The following RAD51B variants were observed in gnomAD, a reference collection of about 807,000 sequenced individuals.
The protein encoded by RAD51B is RAD51 paralog B, also known as DNA repair protein RAD51 homolog 2.
Under a neutral mutation model 42.2 loss-of-function variants are expected in RAD51B, and 38 were observed. The ratio of observed to expected loss-of-function variants is 0.90; its 90% CI spans 0.70 to 1.18. The LOEUF (loss-of-function observed/expected upper bound fraction) is 1.18. Ranked by LOEUF, RAD51B falls within the 50% of genes most tolerant of loss-of-function variation. RAD51B has a pLI of 0.00. For missense variants in RAD51B, 373 were observed against 400.7 expected, an observed-to-expected ratio of 0.93 and a Z score of 0.59; for synonymous variants, 154 against 145.2, an observed-to-expected ratio of 1.06 and a Z score of -0.43.
At chr14:68,159,632 A>C (rs2078594554) in intron 7 of RAD51B, among the ~76,000 whole-genome samples, 1 of 152,138 alleles carries the variant, frequency 6.6e-6, no homozygotes, top group African/African-American at 2.4e-5. Flanking sequence ...AAAAAAAAAA[A>C]AAAGACAAAG....
intron 10 of RAD51B, among the ~76,000 whole-genome samples, chr14:68,576,939 T>C (rs887556128): frequency 1.3e-5 from 2 of 152,104 alleles, no homozygotes; most frequent in Non-Finnish European, 2.9e-5. Context: ...AAAAAAATGG[T>C]AGATGAAAGC....
intron 8 of RAD51B, among the ~76,000 whole-genome samples, chr14:68,384,291 C>T (rs1046664731): frequency 1.1e-4 from 16 of 152,174 alleles, no homozygotes; most frequent in African/African-American, 2.2e-4. Context: ...TTGTTGTTTA[C>T]GTGGTTGGAA....
intron 7 of RAD51B, among the ~76,000 whole-genome samples, chr14:68,085,818 G>A (rs985584420): frequency 1.3e-5 from 2 of 152,182 alleles, no homozygotes; most frequent in East Asian, 1.9e-4. Flanking sequence ...CTTGCAGGGC[G>A]TGCCACAGTG....
rs1415508554 is a variant in RAD51B, at chr14:68,545,996, AG to A, written c.1037-48488del. 3.9e-5 allele frequency among the ~76,000 whole-genome samples: 6 copies of A among 152,146 alleles called. No homozygotes were observed. The East Asian group carries it at 1.2e-3, about 29-fold the overall frequency. On this transcript the variant is annotated intron_variant, in intron 10 of 10. Transcript: ENST00000487270. ...TATTTTATTCATGTATCTGTTTTTT[AG>A]CTTGCTTCTTGTTTGATTTCCCTAA... is the stretch of plus-strand genomic sequence containing the variant.
chr14:68,091,026 T>C (rs1216197791), intron 7 of RAD51B, among the ~76,000 whole-genome samples: 6 of 151,990 alleles, frequency 3.9e-5, no homozygotes, highest in Non-Finnish European at 7.4e-5. Context: ...ACAAAGGACA[T>C]GAACTCATCA....
At chr14:68,332,820 C>T (rs893468882) in intron 8 of RAD51B, among the ~76,000 whole-genome samples, 5 of 152,122 alleles carry the variant, frequency 3.3e-5, no homozygotes, top group African/African-American at 9.7e-5. Flanking sequence ...ATTTTGTGAG[C>T]GGAGAAGAAA....
At chr14:68,129,617 T>G (rs1365763107) in intron 7 of RAD51B, among the ~76,000 whole-genome samples, 2 of 152,160 alleles carry the variant, frequency 1.3e-5, no homozygotes, top group East Asian at 3.8e-4. Flanking sequence ...AAGACTTGAC[T>G]GCAAAACTAA....
At chr14:67,843,775 A>G (rs1391435166) in intron 4 of RAD51B, among the ~76,000 whole-genome samples, 1 of 148,072 alleles carries the variant, frequency 6.8e-6, no homozygotes, top group African/African-American at 2.5e-5. Flanking sequence ...TTTATCTTAT[A>G]TATTCTTTCA....
chr14:67,828,701 C>T (rs1333340073), intron 3 of RAD51B, among the ~76,000 whole-genome samples: 1 of 152,106 alleles, frequency 6.6e-6, no homozygotes, highest in Non-Finnish European at 1.5e-5. Flanking sequence ...TCAGTTTCCT[C>T]ATATGGCTAG....
intron 7 of RAD51B, among the ~76,000 whole-genome samples, chr14:68,051,052 TA>T (rs1302063442): frequency 6.6e-6 from 1 of 151,838 alleles, no homozygotes; most frequent in Non-Finnish European, 1.5e-5. Context: ...TAACTAACTT[TA>T]AAAAATAAAG....
chr14:67,829,416 G>A (rs1388668458), intron 3 of RAD51B, among the ~76,000 whole-genome samples: 3 of 152,036 alleles, frequency 2.0e-5, no homozygotes, highest in Non-Finnish European at 4.4e-5. Context: ...CTAAGTTTTT[G>A]TATTTTTAGT....
intron 7 of RAD51B, among the ~76,000 whole-genome samples, chr14:68,254,558 G>T (rs1015829591): frequency 1.3e-5 from 2 of 151,864 alleles, no homozygotes; most frequent in African/African-American, 4.8e-5. Flanking sequence ...TTCTTTATAC[G>T]CATCACTACT....
chr14:68,104,100 C>T (rs1595401857), intron 7 of RAD51B, among the ~76,000 whole-genome samples: 1 of 152,126 alleles, frequency 6.6e-6, no homozygotes, highest in Admixed American at 6.5e-5. Flanking sequence ...AAGGTAACAA[C>T]GTACACAGAG....
At chr14:68,323,261 G>A (rs1165079328) in intron 8 of RAD51B, among the ~76,000 whole-genome samples, 1 of 152,226 alleles carries the variant, frequency 6.6e-6, no homozygotes, top group African/African-American at 2.4e-5. Flanking sequence ...GTGGCAGCTA[G>A]GTACTGCTGC....
intron 7 of RAD51B, among the ~76,000 whole-genome samples, chr14:67,910,805 G>C (rs934276536): frequency 6.9e-6 from 1 of 145,146 alleles, no homozygotes; most frequent in Non-Finnish European, 1.5e-5. Context: ...GAAATAGTGA[G>C]CCCAATGTCA....
At chr14:68,344,474 C>T (rs1316548380) in intron 8 of RAD51B, among the ~76,000 whole-genome samples, 4 of 149,814 alleles carry the variant, frequency 2.7e-5, no homozygotes, top group Non-Finnish European at 3.0e-5. Context: ...AGTGAAACCC[C>T]GTCTCTACTA....
intron 7 of RAD51B, among the ~76,000 whole-genome samples, chr14:68,128,685 C>A (rs1164246331): frequency 2.0e-5 from 3 of 152,040 alleles, no homozygotes; most frequent in African/African-American, 7.2e-5. Flanking sequence ...GAGTGAGACC[C>A]TGTCTCAAAA....
intron 7 of RAD51B, among the ~76,000 whole-genome samples, chr14:68,131,077 A>G (rs1372463429): frequency 6.6e-6 from 1 of 152,226 alleles, no homozygotes; most frequent in Non-Finnish European, 1.5e-5. Context: ...ATTGATAAAC[A>G]GGATTATTGT....
intron 4 of RAD51B, among the ~76,000 whole-genome samples, chr14:67,847,326 CT>C (rs60032578): frequency 0.054 from 5,680 of 105,520 alleles, 208 homozygotes; most frequent in African/African-American, 0.15. Context: ...TTGGTTTGTT[CT>C]TTTTTTTTTT....
Sources: allele counts gnomAD v4.1 joint callset (sites outside exome capture counted in the v4.1 genomes callset), GRCh38; gene constraint gnomAD v4.1.1; transcripts MANE v1.5; gene names NCBI Gene and HGNC (gene_info 2026-07-23, HGNC 2026-07-21).